The following ZNF7 variants were observed in gnomAD, a reference collection of about 807,000 sequenced individuals.
The protein encoded by ZNF7 is zinc finger protein 7.
A neutral mutation model predicts 12.0 loss-of-function variants in ZNF7; 10 were observed. The observed-to-expected ratio is 0.83, with a 90% CI of 0.51 to 1.42. The LOEUF is 1.42. Among genes scored for constraint, ZNF7 ranks in the 40% most tolerant of loss-of-function variants. The pLI is 0.00. For missense variants in ZNF7, 854 were observed against 837.2 expected, an observed-to-expected ratio of 1.02 and a Z score of -0.25; for synonymous variants, 334 against 295.0, an observed-to-expected ratio of 1.13 and a Z score of -1.35.
At chr8:144,846,202 A>G (rs1830504791), downstream of ZNF7, 5 of 1,532,726 alleles carry the variant, frequency 3.3e-6, no homozygotes, top group Non-Finnish European at 4.4e-6. Context: ...TGTGCTAACC[A>G]TAATGCTGTG....
intron 4 of ZNF7, 166 bp from the exon 5 acceptor site, chr8:144,841,189 T>G: frequency 1.4e-6 from 1 of 702,672 alleles, no homozygotes; most frequent in South Asian, 1.9e-5. Flanking sequence ...AAACCACTTT[T>G]GAGAACTGTC....
At chr8:144,834,032 C>G (rs1212185845) in intron 3 of ZNF7, 1 of 152,228 alleles carries the variant, frequency 6.6e-6, no homozygotes, top group African/African-American at 2.4e-5. Context: ...CTGCCTCGAC[C>G]TCCCAAAGTG....
rs371582136 is a variant in ZNF7 at position 144,842,116 on chromosome 8, C to G, written c.1009C>G (p.Arg337Gly). 44 of 1,613,626 alleles carry G rather than the reference C, an allele frequency of 2.7e-5. No individual in the cohort carries two copies. The highest frequency in any genetic ancestry group is 3.7e-5 in the Non-Finnish European group (44 of 1,179,930). ...CACAGGAGAGAGGCCCTATGGTTGT[C>G]GTGAGTGTGGGAAAGCCTTCAGCCA... ...IHTGERPYGC[R>G]ECGKAFSQQS... The change falls in exon 5 of 5, where the codon CGT becomes GGT. Residue 337 changes from arginine to glycine, a missense_variant. By Grantham distance (125) the Arg-to-Gly change is moderately radical. Coordinates refer to ENST00000532777, the MANE Select transcript of ZNF7 (RefSeq NM_003416.4).
intron 1 of ZNF7, chr8:144,828,681 G>A (rs1828085291): frequency 3.8e-6 from 1 of 259,900 alleles, no homozygotes; most frequent in Middle Eastern, 1.3e-3. Flanking sequence ...CGCTGTCGTG[G>A]TTGCAGTGTG....
chr8:144,841,286 C>A (rs74621046), intron 4 of ZNF7, 69 bp from the exon 5 acceptor site: 1 of 1,484,376 alleles, frequency 6.7e-7, no homozygotes, highest in East Asian at 2.3e-5. Flanking sequence ...CCCTGGCCCC[C>A]GCATTTGTAG....
chr8:144,836,083 T>A (rs1031512048), intron 3 of ZNF7: 8 of 152,268 alleles, frequency 5.3e-5, no homozygotes, highest in Admixed American at 2.0e-4. Flanking sequence ...TAGTGGCATA[T>A]GCCTATAATC....
chr8:144,828,764 C>T (rs183394204), intron 1 of ZNF7: 1 of 496,766 alleles, frequency 2.0e-6, no homozygotes, highest in South Asian at 2.4e-5. Context: ...GTGTCCACTA[C>T]TGTATCCCCA....
In ZNF7 at chr8:144,842,292, A is replaced by T. The variant is rs1830036405; in HGVS notation, c.1185A>T (p.Ser395=). Reference sequence around the variant, plus strand: ...AGAAAGCTCAAATTCTAAAAGCCTCAGACAGTCCAAGCCTTGTTGCACATC... The same window carrying T: ...AGAAAGCTCAAATTCTAAAAGCCTCTGACAGTCCAAGCCTTGTTGCACATC... ...TGEKAQILKA[S]DSPSLVAHQR... The change falls in exon 5 of 5, where the codon TCA becomes TCT. Residue 395 remains serine (S), a synonymous_variant. Coordinates refer to ENST00000532777, the MANE Select transcript of ZNF7 (RefSeq NM_003416.4). 1.2e-6 allele frequency: 2 copies of T among 1,614,058 alleles called. No individual in the cohort carries two copies. Among genetic ancestry groups the T allele is most frequent in the Non-Finnish European group, 8.5e-7 (1 of 1,180,042 alleles).
chr8:144,829,331 C>T lies in ZNF7; in HGVS notation c.4-147C>T. 5 of 1,541,580 alleles carry T rather than the reference C, an allele frequency of 3.2e-6. No individual in the cohort carries two copies. The South Asian group carries it at 4.9e-5, about 15-fold the overall frequency. On this transcript the variant is annotated intron_variant, in intron 2 of 4. Coordinates refer to ENST00000532777, the MANE Select transcript of ZNF7 (RefSeq NM_003416.4). ...GGTTCCTTCCTCCTCCCCGAGACTG[C>T]CCCTCCCCAGAATATTAGAGGCAGA...
intron 3 of ZNF7, among the ~76,000 whole-genome samples, chr8:144,832,730 A>G (rs1168564068): frequency 1.3e-5 from 2 of 152,214 alleles, no homozygotes; most frequent in African/African-American, 2.4e-5. Flanking sequence ...TCCGTCTCAA[A>G]AAAAAGTTCT....
chr8:144,830,205 G>C (rs963888256), intron 3 of ZNF7, among the ~76,000 whole-genome samples: 1 of 152,240 alleles, frequency 6.6e-6, no homozygotes, highest in Non-Finnish European at 1.5e-5. Flanking sequence ...ACGCCCGAGA[G>C]AGTGCCTGGG....
chr8:144,835,218 T>G (rs1453283198), intron 3 of ZNF7: 6 of 151,560 alleles, frequency 4.0e-5, no homozygotes, highest in African/African-American at 1.2e-4. Context: ...TTTTTTTTTT[T>G]AAAGAGTTGG....
downstream of ZNF7, chr8:144,846,244 G>C: frequency 6.9e-7 from 1 of 1,454,076 alleles, no homozygotes; most frequent in Middle Eastern, 1.7e-4. Context: ...AGCCAAAAAG[G>C]GGCTGGGGTG....
intron 2 of ZNF7, 144 bp from the exon 3 acceptor site, chr8:144,829,334 C>T: frequency 1.9e-6 from 3 of 1,543,122 alleles, no homozygotes; most frequent in African/African-American, 1.4e-5. Context: ...GAGACTGCCC[C>T]TCCCCAGAAT....
rs1227567922 is a variant in ZNF7 at position 144,831,961 on chromosome 8, G to A, written c.130+2357G>A. ...GCCTGGAAGGTCAAGGTTGGAGTCA[G>A]CTATGATTGTGCCACTGCAGTCCAG... is the stretch of plus-strand genomic sequence containing the variant. On this transcript the variant is annotated intron_variant, in intron 3 of 4. Transcript: ENST00000532777. Among the ~76,000 whole-genome samples the A allele has an allele frequency of 8.9e-5, 9 of 101,078 alleles. 2 individuals are homozygous for A. Among genetic ancestry groups the A allele is most frequent in the African/African-American group, 2.6e-4 (9 of 34,552 alleles). 66.3% of individuals were successfully genotyped at this position (101,078 alleles called of 152,430 possible).
intron 3 of ZNF7, chr8:144,835,285 C>T (rs1433117025): frequency 6.6e-6 from 1 of 151,506 alleles, no homozygotes; most frequent in Non-Finnish European, 1.5e-5. Flanking sequence ...CTCACTGCAG[C>T]CTTGAACTCC....
At chr8:144,828,896 C>T (rs1828108729) in intron 1 of ZNF7, 147 bp from the exon 2 acceptor site, 1 of 982,432 alleles carries the variant, frequency 1.0e-6, no homozygotes, top group Non-Finnish European at 1.5e-6. Context: ...CACTCAAGTG[C>T]CATGGCTGCT....
Position 144,842,759 on chromosome 8 carries a change from G to C in ZNF7, c.1652G>C (p.Arg551Thr). The change falls in exon 5 of 5, where the codon AGG (arginine) becomes ACG (threonine). Residue 551 changes from arginine to threonine, a missense_variant. Physicochemically the swap from Arg to Thr is moderately conservative, Grantham distance 71. Transcript: ENST00000532777. ...TIHQRVHTGE[R>T]PYKCNECGKA... The stretch of plus-strand genomic sequence containing the variant: ...CATCAAAGGGTTCACACTGGAGAGA[G>C]GCCCTATAAATGTAATGAATGTGGG... 1 of 1,614,162 alleles carries C rather than the reference G, an allele frequency of 6.2e-7. No individual in the cohort carries two copies. The highest frequency in any genetic ancestry group is 8.5e-7 in the Non-Finnish European group (1 of 1,180,034).
downstream of ZNF7, among the ~76,000 whole-genome samples, chr8:144,845,803 T>G (rs1586854291): frequency 6.6e-6 from 1 of 152,214 alleles, no homozygotes; most frequent in African/African-American, 2.4e-5. Context: ...TGTAACTGCC[T>G]CTTCTCCAGC....
Sources: gnomAD v4.1 joint callset for allele counts (sites outside exome capture counted in the v4.1 genomes callset) on GRCh38, gnomAD v4.1.1 for gene constraint, MANE v1.5 for transcripts, NCBI Gene and HGNC (gene_info 2026-07-23, HGNC 2026-07-21) for gene names.